The following SH3BGR variants were observed in gnomAD, a reference collection of about 807,000 sequenced individuals.
The protein encoded by SH3BGR is SH3 domain binding glutamate rich protein.
SH3BGR carries 29 observed loss-of-function variants against 24.5 expected under a neutral mutation model. That is an observed-to-expected ratio of 1.18 (90% CI 0.88 to 1.61). SH3BGR has a LOEUF of 1.61. Ranked by LOEUF, SH3BGR falls within the 40% of genes most tolerant of loss-of-function variation. The pLI is 0.00. For synonymous variants in SH3BGR, 55 were observed against 65.7 expected (o/e 0.84, Z 0.79); for missense variants, 162 against 205.8 (o/e 0.79, Z 1.30).
intron 5 of SH3BGR, among the ~76,000 whole-genome samples, chr21:39,510,538 A>G (rs370312549): frequency 1.3e-5 from 2 of 151,552 alleles, no homozygotes; most frequent in Non-Finnish European, 2.9e-5. Context: ...GAATGTGTCT[A>G]TATTTGGGGA....
At chr21:39,462,661 T>C (rs1048501280) in intron 2 of SH3BGR, 101 bp downstream of exon 2, 5 of 727,090 alleles carry the variant, frequency 6.9e-6, no homozygotes, top group Non-Finnish European at 1.1e-5. Flanking sequence ...TATTCACAAC[T>C]GTCAGGTCAT....
At chr21:39,499,419 A>G (rs1351442111) in intron 3 of SH3BGR, among the ~76,000 whole-genome samples, 1 of 151,974 alleles carries the variant, frequency 6.6e-6, no homozygotes, top group East Asian at 1.9e-4. Context: ...CCATTTATCC[A>G]TCTATGTATG....
At chr21:39,478,882 CTTA>C (rs1263054402) in intron 3 of SH3BGR, among the ~76,000 whole-genome samples, 3 of 151,954 alleles carry the variant, frequency 2.0e-5, no homozygotes, top group Admixed American at 6.6e-5. Flanking sequence ...GCTTCCTATT[CTTA>C]TTATGTAGGT....
Position 39,510,369 on chromosome 21 carries a change from C to CACACACACACACACACACACACTGTAGCT in SH3BGR, c.436-1288_436-1260dup, listed in dbSNP as rs1236562854. 7.1e-4 allele frequency among the ~76,000 whole-genome samples: 101 copies of CACACACACACACACACACACACTGTAGCT among 142,024 alleles called. 1 individual carries two copies. The highest frequency in any genetic ancestry group is 1.6e-3 in the South Asian group (7 of 4,392). The allele number at this position is 142,024 out of a possible 152,430, so 93.2% of individuals were successfully genotyped here. Reference sequence around the variant, plus strand: ...GAGATAACCACTGTAGCTACATACACACACACACACACACACACACACTGT... The same window carrying CACACACACACACACACACACACTGTAGCT: ...GAGATAACCACTGTAGCTACATACACACACACACACACACACACACACTGTAGCTACACACACACACACACACACACTGT... On this transcript the variant is annotated intron_variant, in intron 5 of 6. Transcript: ENST00000333634.
intron 3 of SH3BGR, among the ~76,000 whole-genome samples, chr21:39,487,841 C>T (rs991370207): frequency 2.6e-5 from 4 of 152,122 alleles, no homozygotes; most frequent in Non-Finnish European, 4.4e-5. Flanking sequence ...TGTGGCATTT[C>T]CTGGTGACCT....
Position 39,478,199 on chromosome 21 carries a change from A to G in SH3BGR, c.312+2984A>G, listed in dbSNP as rs540902046. Among the ~76,000 whole-genome samples the G allele has an allele frequency of 1.1e-4, 16 of 152,358 alleles. 1 individual carries two copies. In the South Asian group the frequency reaches 3.3e-3, roughly 32 times the overall value. ...GATATTGGAAAGGTCAAATAGTCCTACAAAGATTACTTTTTAAAAAAACAG... is the reference window on the plus strand; with the variant it reads ...GATATTGGAAAGGTCAAATAGTCCTGCAAAGATTACTTTTTAAAAAAACAG... On this transcript the variant is annotated intron_variant, in intron 3 of 6. Transcript: ENST00000333634.
upstream of SH3BGR, among the ~76,000 whole-genome samples, chr21:39,449,423 C>T (rs1329830887): frequency 6.6e-6 from 1 of 152,198 alleles, no homozygotes; most frequent in Admixed American, 6.5e-5. Flanking sequence ...TGGCTGCTTG[C>T]ATCTTCACTA....
chr21:39,514,816 A>G (rs1346514815), intron 6 of SH3BGR, among the ~76,000 whole-genome samples: 1 of 152,162 alleles, frequency 6.6e-6, no homozygotes, highest in Non-Finnish European at 1.5e-5. Flanking sequence ...AATTCAGCCT[A>G]TTTTCCATGA....
At chr21:39,463,941 G>T (rs1368949029) in intron 2 of SH3BGR, among the ~76,000 whole-genome samples, 1 of 152,192 alleles carries the variant, frequency 6.6e-6, no homozygotes, top group Non-Finnish European at 1.5e-5. Flanking sequence ...CTGGAAGTTC[G>T]AAATCAAGAT....
intron 3 of SH3BGR, among the ~76,000 whole-genome samples, chr21:39,487,527 C>T (rs2078230577): frequency 6.6e-6 from 1 of 152,194 alleles, no homozygotes; most frequent in Admixed American, 6.5e-5. Context: ...TACATCCCAG[C>T]GAGGGCTGTC....
At chr21:39,482,877 C>G (rs1219556181) in intron 3 of SH3BGR, among the ~76,000 whole-genome samples, 1 of 152,138 alleles carries the variant, frequency 6.6e-6, no homozygotes, top group Non-Finnish European at 1.5e-5. Context: ...ACCATGTTGG[C>G]CAGGCTGGTC....
intron 2 of SH3BGR, 72 bp downstream of exon 2, chr21:39,462,632 T>A: frequency 9.0e-7 from 1 of 1,105,032 alleles, no homozygotes; most frequent in Non-Finnish European, 1.2e-6. Flanking sequence ...CAGATTAAGT[T>A]TGAGTCAGCA....
chr21:39,508,222 T>C (rs2078616768), intron 4 of SH3BGR, among the ~76,000 whole-genome samples: 1 of 152,232 alleles, frequency 6.6e-6, no homozygotes, highest in Non-Finnish European at 1.5e-5. Context: ...GGGACTGCTC[T>C]CAAGAACCAC....
chr21:39,509,751 AGGT>A (rs765092107), intron 5 of SH3BGR, among the ~76,000 whole-genome samples: 12 of 152,080 alleles, frequency 7.9e-5, no homozygotes, highest in Non-Finnish European at 1.8e-4. Flanking sequence ...CTGGGATTAC[AGGT>A]GTGAGCCACT....
intron 3 of SH3BGR, among the ~76,000 whole-genome samples, chr21:39,485,910 G>C (rs886929195): frequency 1.3e-5 from 2 of 151,710 alleles, no homozygotes; most frequent in Admixed American, 6.6e-5. Context: ...GGATGGTCTC[G>C]ATCTCCTGAC....
chr21:39,489,413 G>T (rs1219236807), intron 3 of SH3BGR, among the ~76,000 whole-genome samples: 1 of 152,226 alleles, frequency 6.6e-6, no homozygotes, highest in Non-Finnish European at 1.5e-5. Flanking sequence ...TGTGGGCCCT[G>T]CACAGCCTCA....
chr21:39,480,837 T>C (rs2078117731), intron 3 of SH3BGR, among the ~76,000 whole-genome samples: 1 of 152,174 alleles, frequency 6.6e-6, no homozygotes, highest in African/African-American at 2.4e-5. Context: ...TAGTTGATTC[T>C]GATGCTCATT....
intron 5 of SH3BGR, among the ~76,000 whole-genome samples, chr21:39,509,468 ATTG>A (rs2078638039): frequency 1.1e-5 from 1 of 89,234 alleles, no homozygotes; most frequent in Non-Finnish European, 2.3e-5. Context: ...AATCACTTTT[ATTG>A]TTTTTTTTTT....
chr21:39,489,668 A>C (rs1237084820), intron 3 of SH3BGR, among the ~76,000 whole-genome samples: 3 of 152,242 alleles, frequency 2.0e-5, no homozygotes, highest in Admixed American at 6.5e-5. Context: ...CTGGCTGCAC[A>C]TTAGAAATCT....
Sources: allele counts gnomAD v4.1 joint callset (sites outside exome capture counted in the v4.1 genomes callset), GRCh38; gene constraint gnomAD v4.1.1; transcripts MANE v1.5; gene names NCBI Gene and HGNC (gene_info 2026-07-23, HGNC 2026-07-21).